Variants in CETP observed in about 807,000 individuals in gnomAD.
CETP encodes the protein BPI fold containing family F.
Under a neutral mutation model 66.5 loss-of-function variants are expected in CETP, and 56 were observed. That is an observed-to-expected ratio of 0.84 (90% CI 0.68 to 1.05). The LOEUF (loss-of-function observed/expected upper bound fraction) is 1.05. Among genes scored for constraint, CETP ranks in the 50% least tolerant of loss-of-function variants. CETP has a pLI of 0.00. For synonymous variants in CETP, 251 were observed against 245.7 expected (o/e 1.02, Z -0.20); for missense variants, 612 against 609.6 (o/e 1.00, Z -0.04).
chr16:56,964,614 C>T (rs1382702767), intron 2 of CETP, among the ~76,000 whole-genome samples: 2 of 152,212 alleles, frequency 1.3e-5, no homozygotes, highest in African/African-American at 4.8e-5. Flanking sequence ...TCCTCCTCCT[C>T]CCCGGCCCTG....
intron 8 of CETP, 38 bp from the exon 9 acceptor site, chr16:56,973,293 G>T (rs1002599666): frequency 4.3e-6 from 7 of 1,610,852 alleles, no homozygotes; most frequent in Non-Finnish European, 4.2e-6. Flanking sequence ...GCCCAGTAGG[G>T]ACACACAGGG....
chr16:56,968,272 G>A (rs952822730), intron 2 of CETP, among the ~76,000 whole-genome samples: 8 of 151,944 alleles, frequency 5.3e-5, no homozygotes, highest in Admixed American at 1.3e-4. Flanking sequence ...TGCAACTTCC[G>A]CCTCGTGGGT....
At chr16:56,965,915 G>A (rs2141993659) in intron 2 of CETP, among the ~76,000 whole-genome samples, 1 of 152,232 alleles carries the variant, frequency 6.6e-6, no homozygotes, top group South Asian at 2.1e-4. Flanking sequence ...AGACCCCAGG[G>A]CCAACGCTTC....
In CETP at chr16:56,971,999, C is replaced by T. The variant is rs772322686; in HGVS notation, c.666C>T (p.Ile222=). The T allele has an allele frequency of 9.3e-6, 15 of 1,613,898 alleles. No individual in the cohort carries two copies. The highest frequency in any genetic ancestry group is 1.3e-5 in the Non-Finnish European group (15 of 1,179,902). ...GATCTTTTCCTCCTGCAGCCAGCAT[C>T]CTTTCAGATGGAGACATTGGGGTGG... ...ADFVQTRAAS[I]LSDGDIGVDI... Residue 222 remains isoleucine, a synonymous_variant, in exon 8 of 16, where the codon ATC becomes ATT. Transcript: ENST00000200676.
chr16:56,967,937 C>G (rs1193133934), intron 2 of CETP, among the ~76,000 whole-genome samples: 1 of 149,256 alleles, frequency 6.7e-6, no homozygotes, highest in African/African-American at 2.5e-5. Flanking sequence ...CTGGCCTGGG[C>G]AACAGAGAGC....
In CETP at chr16:56,969,958, C is replaced by T; in HGVS notation, c.484C>T (p.Leu162=). The T allele has an allele frequency of 1.9e-6, 3 of 1,614,162 alleles. No individual in the cohort carries two copies. Among genetic ancestry groups the T allele is most frequent in the Non-Finnish European group, 2.5e-6 (3 of 1,180,026 alleles). The change falls in exon 5 of 16, where the codon CTG becomes TTG. Residue 162 remains leucine, a synonymous_variant. Coordinates refer to ENST00000200676, the MANE Select transcript of CETP (RefSeq NM_000078.3). ...GCGGACCGATGCCCCTGACTGCTACCTGTCTTTCCATAAGCTGCTCCTGCA... is the reference window on the plus strand; with the variant it reads ...GCGGACCGATGCCCCTGACTGCTACTTGTCTTTCCATAAGCTGCTCCTGCA... The part of the protein sequence containing the change: ...RVRTDAPDCY[L]SFHKLLLHLQ...
intron 14 of CETP, 149 bp downstream of exon 14, chr16:56,982,386 G>A: frequency 1.3e-6 from 1 of 783,624 alleles, no homozygotes; most frequent in Non-Finnish European, 2.2e-6. Context: ...CTCCCTGCTG[G>A]TGGTATTGCA....
Position 56,969,993 on chromosome 16 carries a change from G to A in CETP, c.519G>A (p.Gly173=), listed in dbSNP as rs200767844. ...ATAAGCTGCTCCTGCATCTCCAAGG[G>A]GAGCGAGAGTAAGTACACCACCCTG... ...SFHKLLLHLQ[G]EREPGWIKQL... is the part of the protein sequence containing the mutation. Residue 173 remains glycine (G), a synonymous_variant, in exon 5 of 16, where the codon GGG becomes GGA. Coordinates refer to ENST00000200676, the MANE Select transcript of CETP (RefSeq NM_000078.3). 22 of 1,613,664 alleles carry A rather than the reference G, an allele frequency of 1.4e-5. No homozygotes were observed. The Admixed American group carries it at 2.8e-4, about 21-fold the overall frequency.
Position 56,972,161 on chromosome 16 carries a change from T to TC in CETP, c.750+83dup. On this transcript the variant is annotated intron_variant, in intron 8 of 15. Transcript: ENST00000200676. ...CCTTTTTTGTGCTCTGACAACCCCG[T>TC]CCCCCAGCTTCAACCTTATGGCAGC... 1.9e-6 allele frequency: 2 copies of TC among 1,069,794 alleles called. 1 individual carries two copies. Among genetic ancestry groups the TC allele is most frequent in the South Asian group, 2.6e-5 (2 of 77,780 alleles). The allele number at this position is 1,069,794 out of a possible 1,614,324, so 66.3% of individuals were successfully genotyped here.
rs141880144 is a variant in CETP at position 56,982,397 on chromosome 16, C to A, written c.1321+160C>A. Among the ~76,000 whole-genome samples, 271 of 152,258 alleles carry A rather than the reference C, an allele frequency of 1.8e-3. 1 individual carries two copies. The highest frequency in any genetic ancestry group is 6.2e-3 in the African/African-American group (259 of 41,542). ...TCCTCTCCCTGCTGGTGGTATTGCA[C>A]GCCAATGACTCGGCCAGATGCCCAG... On this transcript the variant is annotated intron_variant, in intron 14 of 15. Transcript: ENST00000200676.
intron 2 of CETP, among the ~76,000 whole-genome samples, chr16:56,967,667 A>C (rs1160329531): frequency 1.4e-5 from 2 of 147,884 alleles, no homozygotes; most frequent in East Asian, 4.0e-4. Context: ...AAAAAAAAAA[A>C]AAAACAATGG....
chr16:56,977,995 C>A, intron 10 of CETP, 96 bp from the exon 11 acceptor site: 1 of 1,495,778 alleles, frequency 6.7e-7, no homozygotes, highest in South Asian at 1.2e-5. Flanking sequence ...AGCCCTGGGG[C>A]CCGGAGCCAG....
At chr16:56,964,637 C>G (rs2056052680) in intron 2 of CETP, among the ~76,000 whole-genome samples, 2 of 152,174 alleles carry the variant, frequency 1.3e-5, no homozygotes, top group Non-Finnish European at 2.9e-5. Flanking sequence ...AAACACGCTC[C>G]CCAGGGGTGG....
chr16:56,969,694 C>T lies in CETP; in HGVS notation c.439+13C>T, dbSNP rs1018894547. 20 of 1,613,220 alleles carry T rather than the reference C, an allele frequency of 1.2e-5. No homozygotes were observed. Among genetic ancestry groups the T allele is most frequent in the East Asian group, 4.5e-5 (2 of 44,888 alleles). ...AACACACAGCTGAGTATGTGTCAAG[C>T]GTCCTCTGGGGAAGTGGGAGCTGGA... On this transcript the variant is annotated intron_variant, in intron 4 of 15. Transcript: ENST00000200676.
intron 2 of CETP, among the ~76,000 whole-genome samples, chr16:56,965,651 C>A (rs112236143): frequency 0.013 from 1,957 of 152,294 alleles, 23 homozygotes; most frequent in South Asian, 0.027. Flanking sequence ...ACTCTAAGCA[C>A]AGTGCCTGCC....
intron 9 of CETP, among the ~76,000 whole-genome samples, chr16:56,973,909 G>T (rs992758705): frequency 4.6e-5 from 7 of 152,228 alleles, no homozygotes; most frequent in Non-Finnish European, 1.0e-4. Context: ...GCAGGTACGT[G>T]ACTGGGGGCT....
In CETP at chr16:56,981,630, T is replaced by C; in HGVS notation, c.1215-17T>C. 6.2e-7 allele frequency: 1 copy of C among 1,613,888 alleles called. No individual in the cohort carries two copies. Among genetic ancestry groups the C allele is most frequent in the South Asian group, 1.1e-5 (1 of 91,060 alleles). On this transcript the variant is annotated splice_polypyrimidine_tract_variant and intron_variant, in intron 12 of 15. Transcript: ENST00000200676. ...GGCCCAATGGAGGGTCAAATTATCA[T>C]CGCTTTTTTATTTCAGGATTACACC...
intron 2 of CETP, among the ~76,000 whole-genome samples, chr16:56,968,454 T>C (rs569332203): frequency 1.4e-3 from 206 of 152,346 alleles, no homozygotes; most frequent in Non-Finnish European, 2.7e-3. Context: ...CCCAAAGTGC[T>C]AGGATTACAG....
At chr16:56,981,084 G>T in intron 11 of CETP, 74 bp from the exon 12 acceptor site, 8 of 1,067,906 alleles carry the variant, frequency 7.5e-6, no homozygotes, top group Non-Finnish European at 4.4e-6. Context: ...AGAATCAGGG[G>T]CCCTGAGCTA....
Sources: gnomAD v4.1 joint callset for allele counts (sites outside exome capture counted in the v4.1 genomes callset) on GRCh38, gnomAD v4.1.1 for gene constraint, MANE v1.5 for transcripts, NCBI Gene and HGNC (gene_info 2026-07-23, HGNC 2026-07-21) for gene names.